Variants in RALGPS1 observed in about 807,000 individuals in gnomAD.
RALGPS1 encodes the protein ras-specific guanine nucleotide-releasing factor RalGPS1.
RALGPS1 carries 19 observed loss-of-function variants against 78.8 expected under a neutral mutation model. That is an observed-to-expected ratio of 0.24 (90% CI 0.17 to 0.35). RALGPS1 has a LOEUF of 0.35. RALGPS1 is among the 10% of genes least tolerant of loss of function. RALGPS1 has a pLI of 1.00. For synonymous variants in RALGPS1, 228 were observed against 256.3 expected (o/e 0.89, Z 1.06); for missense variants, 454 against 688.3 (o/e 0.66, Z 3.81).
intron 7 of RALGPS1, 77 bp from the exon 8 acceptor site, chr9:127,069,153 T>C: frequency 7.2e-7 from 1 of 1,384,676 alleles, no homozygotes; most frequent in Non-Finnish European, 1.0e-6. Context: ...ATTTTCCCTT[T>C]TAGTCTTCAT....
chr9:126,959,787 A>C (rs548052079), intron 1 of RALGPS1, among the ~76,000 whole-genome samples: 1 of 152,128 alleles, frequency 6.6e-6, no homozygotes, highest in African/African-American at 2.4e-5. Context: ...CTTTACGTCT[A>C]TATGTTGACA....
At chr9:127,216,273 C>T (rs980228933) in intron 18 of RALGPS1, 7 of 152,202 alleles carry the variant, frequency 4.6e-5, no homozygotes, top group African/African-American at 1.4e-4. Flanking sequence ...AATTAGTCCT[C>T]GACCAACTAA....
At chr9:126,947,371 T>A (rs1308248154) in intron 1 of RALGPS1, among the ~76,000 whole-genome samples, 1 of 152,230 alleles carries the variant, frequency 6.6e-6, no homozygotes, top group Non-Finnish European at 1.5e-5. Flanking sequence ...AATCTGAGAC[T>A]CTTTGAGTGC....
intron 1 of RALGPS1, among the ~76,000 whole-genome samples, chr9:126,942,571 A>G (rs1418490492): frequency 6.6e-6 from 1 of 152,148 alleles, no homozygotes; most frequent in African/African-American, 2.4e-5. Context: ...TGTCCTGCAA[A>G]TCTGTTTCTC....
chr9:127,210,371 A>G (rs1417572554), intron 14 of RALGPS1: 4 of 371,150 alleles, frequency 1.1e-5, no homozygotes, highest in Admixed American at 4.2e-5. Flanking sequence ...GCTATGAAAC[A>G]TCTCAGCCCC....
chr9:127,119,511 T>C (rs892956361), intron 8 of RALGPS1, among the ~76,000 whole-genome samples: 1 of 152,208 alleles, frequency 6.6e-6, no homozygotes, highest in Non-Finnish European at 1.5e-5. Flanking sequence ...CACATAACTG[T>C]GTGACTTTGG....
At chr9:127,200,714 G>C (rs2061587896) in intron 14 of RALGPS1, among the ~76,000 whole-genome samples, 1 of 152,242 alleles carries the variant, frequency 6.6e-6, no homozygotes, top group Non-Finnish European at 1.5e-5. Flanking sequence ...CCCCGGCAGT[G>C]GGGAGGAGAA....
At chr9:127,085,773 G>A (rs1236026296) in intron 8 of RALGPS1, among the ~76,000 whole-genome samples, 1 of 152,164 alleles carries the variant, frequency 6.6e-6, no homozygotes, top group East Asian at 1.9e-4. Context: ...CCAGTGACCA[G>A]TAAGGTTGGG....
chr9:127,012,090 G>C (rs1210324801), intron 4 of RALGPS1, among the ~76,000 whole-genome samples: 1 of 152,206 alleles, frequency 6.6e-6, no homozygotes, highest in Non-Finnish European at 1.5e-5. Flanking sequence ...GGAAATGAGA[G>C]TTTAAAGCAA....
At chr9:127,148,138 G>C (rs1261274967) in intron 8 of RALGPS1, among the ~76,000 whole-genome samples, 4 of 152,230 alleles carry the variant, frequency 2.6e-5, no homozygotes, top group Admixed American at 2.6e-4. Flanking sequence ...AGCACATTTT[G>C]TGGGAGGCAG....
rs185599087 is a variant in RALGPS1, at chr9:127,148,445, G to T, written c.611-17624G>T. ...TCCTGTGAGCCTAGCACAGAGCTTA[G>T]CTGAGAAAGTGCTTAGCAGCTACTT... is the stretch of plus-strand genomic sequence containing the variant. On this transcript the variant is annotated intron_variant, in intron 8 of 18. Coordinates refer to ENST00000259351, the MANE Select transcript of RALGPS1 (RefSeq NM_014636.3). Among the ~76,000 whole-genome samples, 247 of 152,366 alleles carry T rather than the reference G, an allele frequency of 1.6e-3. 1 individual carries two copies. The highest frequency in any genetic ancestry group is 3.4e-3 in the Middle Eastern group (1 of 294).
intron 9 of RALGPS1, 27 bp from the exon 10 acceptor site, chr9:127,168,652 T>C: frequency 6.5e-7 from 1 of 1,536,370 alleles, no homozygotes; most frequent in South Asian, 1.1e-5. Flanking sequence ...GAGCCTAAAG[T>C]TTCTGGATGT....
chr9:127,051,597 G>T (rs569673804), intron 6 of RALGPS1, among the ~76,000 whole-genome samples: 2 of 152,324 alleles, frequency 1.3e-5, no homozygotes, highest in East Asian at 3.9e-4. Context: ...GAAACAATTA[G>T]AGAATGTTAC....
intron 8 of RALGPS1, among the ~76,000 whole-genome samples, chr9:127,080,058 G>A (rs1226958759): frequency 6.6e-6 from 1 of 152,168 alleles, no homozygotes; most frequent in Non-Finnish European, 1.5e-5. Context: ...GTTTTGAGGT[G>A]GGGGGATTCG....
intron 1 of RALGPS1, among the ~76,000 whole-genome samples, chr9:126,940,774 G>A (rs2131421177): frequency 6.6e-6 from 1 of 152,254 alleles, no homozygotes; most frequent in South Asian, 2.1e-4. Context: ...GAGTAGTTAG[G>A]TGATTGGCCA....
At chr9:126,958,142 A>AAAAAAAAAAAAATAT (rs113413659) in intron 1 of RALGPS1, among the ~76,000 whole-genome samples, 116 of 76,974 alleles carry the variant, frequency 1.5e-3, no homozygotes, top group African/African-American at 2.0e-3. Context: ...AAAAAAAAAA[A>AAAAAAAAAAAAATAT]ATATATATAT....
At position 127,091,707 on chromosome 9, in the gene RALGPS1, C is replaced by T. The variant is rs2052496791; in HGVS notation, c.610+22351C>T. 6.2e-7 allele frequency: 1 copy of T among 1,613,870 alleles called. No homozygotes were observed. Among genetic ancestry groups the T allele is most frequent in the African/African-American group, 1.3e-5 (1 of 74,886 alleles). On this transcript the variant is annotated intron_variant, in intron 8 of 18. Coordinates refer to ENST00000259351, the MANE Select transcript of RALGPS1 (RefSeq NM_014636.3). The surrounding 1 kb of genome is among the most constrained non-coding windows in gnomAD (Gnocchi z 4.3). The stretch of plus-strand genomic sequence containing the variant: ...CATGATCTCTGTCCAGGGTGGTGAA[C>T]TGCTTGCCGTTGTGCCATGTAAAGG...
chr9:127,067,500 C>T (rs79240402), intron 7 of RALGPS1, among the ~76,000 whole-genome samples: 2 of 152,220 alleles, frequency 1.3e-5, no homozygotes, highest in African/African-American at 4.8e-5. Flanking sequence ...CCCTAATGCA[C>T]CAGACATGGC....
At chr9:127,104,528 T>C (rs2054035681) in intron 8 of RALGPS1, among the ~76,000 whole-genome samples, 2 of 152,254 alleles carry the variant, frequency 1.3e-5, no homozygotes, top group African/African-American at 4.8e-5. Flanking sequence ...AAAATGCCTT[T>C]GGGTCTGGCC....
Sources: gnomAD v4.1 joint callset for allele counts (sites outside exome capture counted in the v4.1 genomes callset) on GRCh38, gnomAD v4.1.1 for gene constraint, Gnocchi (gnomAD v3.1) non-coding constraint, MANE v1.5 for transcripts, NCBI Gene and HGNC (gene_info 2026-07-23, HGNC 2026-07-21) for gene names.